Variants in TBX15 observed in about 807,000 individuals in gnomAD.
The protein encoded by TBX15 is T-box transcription factor 15.
A neutral mutation model predicts 53.9 loss-of-function variants in TBX15; 18 were observed. The observed-to-expected ratio is 0.33, with a 90% CI of 0.23 to 0.49. The LOEUF (loss-of-function observed/expected upper bound fraction) is 0.49. TBX15 is among the 20% of genes least tolerant of loss of function. The probability of loss-of-function intolerance (pLI) is 0.98; values close to 1 mark genes in which losing one functional copy is unlikely to be tolerated. For synonymous variants in TBX15, 295 were observed against 278.0 expected, an observed-to-expected ratio of 1.06 and a Z score of -0.61; for missense variants, 692 against 749.5, an observed-to-expected ratio of 0.92 and a Z score of 0.90.
intron 7 of TBX15, among the ~76,000 whole-genome samples, chr1:118,888,988 G>C (rs1250146814): frequency 6.6e-6 from 1 of 152,118 alleles, no homozygotes; most frequent in Admixed American, 6.5e-5. Flanking sequence ...AGAGGCAAAT[G>C]TTAAAAAGTT....
intron 1 of TBX15, among the ~76,000 whole-genome samples, chr1:118,951,442 G>T: frequency 6.6e-6 from 1 of 152,186 alleles, no homozygotes; most frequent in Non-Finnish European, 1.5e-5. Context: ...CCAGTGGAGG[G>T]GTTTTGAGTA....
chr1:118,945,987 T>C (rs1656334933), intron 1 of TBX15, among the ~76,000 whole-genome samples: 1 of 152,332 alleles, frequency 6.6e-6, no homozygotes, highest in Admixed American at 6.5e-5. Flanking sequence ...TAATCAACAT[T>C]GATGTATGAG....
At chr1:118,898,235 C>G (rs1485694020) in intron 7 of TBX15, among the ~76,000 whole-genome samples, 1 of 152,150 alleles carries the variant, frequency 6.6e-6, no homozygotes, top group Non-Finnish European at 1.5e-5. Context: ...CTACACTCAT[C>G]TTAAAACCTG....
intron 1 of TBX15, among the ~76,000 whole-genome samples, chr1:118,971,430 C>G (rs991697291): frequency 6.6e-6 from 1 of 152,192 alleles, no homozygotes; most frequent in African/African-American, 2.4e-5. Flanking sequence ...CAAAACCCAT[C>G]ACTAAAGTTT....
chr1:118,902,691 C>G (rs1175763919), intron 6 of TBX15, among the ~76,000 whole-genome samples: 1 of 152,080 alleles, frequency 6.6e-6, no homozygotes, highest in Non-Finnish European at 1.5e-5. Context: ...TTGTCTTTTT[C>G]CATTCCAGCC....
At chr1:118,946,881 C>T (rs149348224) in intron 1 of TBX15, among the ~76,000 whole-genome samples, 1 of 152,282 alleles carries the variant, frequency 6.6e-6, no homozygotes, top group African/African-American at 2.4e-5. Context: ...GGTCTTGCTG[C>T]TTTTACTCTG....
intron 4 of TBX15, among the ~76,000 whole-genome samples, chr1:118,924,247 TA>T (rs1383909777): frequency 6.6e-6 from 1 of 152,200 alleles, no homozygotes; most frequent in Middle Eastern, 3.2e-3. Flanking sequence ...GTCTTCCCTA[TA>T]AAAAAATTCT....
At chr1:118,910,449 C>G (rs1344334696) in intron 6 of TBX15, among the ~76,000 whole-genome samples, 1 of 152,028 alleles carries the variant, frequency 6.6e-6, no homozygotes, top group East Asian at 1.9e-4. Flanking sequence ...CACAGAAGGG[C>G]AATAGATGAG....
At chr1:118,930,118 C>A (rs1655731697) in intron 2 of TBX15, among the ~76,000 whole-genome samples, 1 of 152,176 alleles carries the variant, frequency 6.6e-6, no homozygotes, top group African/African-American at 2.4e-5. Context: ...AGAAAATAAA[C>A]AAAATTTCAG....
Position 118,884,277 on chromosome 1 carries a change from AGTTCAGAGTC to A in TBX15, c.*445_*454del. 3 of 180,752 alleles carry A rather than the reference AGTTCAGAGTC, an allele frequency of 1.7e-5. No individual in the cohort carries two copies. 11.2% of individuals were successfully genotyped at this position (180,752 alleles called of 1,614,324 possible). ...GGGCCTCCCTCCACAGAGTTCACCC[AGTTCAGAGTC>A]AGTGTGCATGTATGATTGCATGTGT... On this transcript the variant is annotated 3_prime_UTR_variant, in exon 8 of 8. Coordinates refer to ENST00000369429, the MANE Select transcript of TBX15 (RefSeq NM_001330677.2).
At chr1:118,982,867 A>C (rs562334589) in intron 1 of TBX15, among the ~76,000 whole-genome samples, 6 of 152,270 alleles carry the variant, frequency 3.9e-5, no homozygotes, top group African/African-American at 1.4e-4. Flanking sequence ...TTTCACCTAT[A>C]CAAATCAAGA....
intron 1 of TBX15, among the ~76,000 whole-genome samples, chr1:118,933,109 C>G (rs1029376307): frequency 3.1e-4 from 47 of 152,282 alleles, no homozygotes; most frequent in African/African-American, 1.1e-3. Flanking sequence ...ACCTCACTTA[C>G]CTGCAGCAGG....
chr1:118,927,250 T>C (rs757385672), intron 2 of TBX15, among the ~76,000 whole-genome samples: 1 of 152,216 alleles, frequency 6.6e-6, no homozygotes, highest in African/African-American at 2.4e-5. Flanking sequence ...TTAGTTGTGA[T>C]ATAAATGTAT....
At chr1:118,974,864 T>A (rs1406778992) in intron 1 of TBX15, among the ~76,000 whole-genome samples, 1 of 152,192 alleles carries the variant, frequency 6.6e-6, no homozygotes, top group African/African-American at 2.4e-5. Flanking sequence ...AAGAAGCCAC[T>A]GTGGAAATCA....
chr1:118,944,453 C>A (rs558461986), intron 1 of TBX15, among the ~76,000 whole-genome samples: 94 of 152,336 alleles, frequency 6.2e-4, no homozygotes, highest in African/African-American at 2.0e-3. Context: ...TTGGCTTCAA[C>A]AAGGCTCTAT....
At chr1:118,893,410 GAAGA>G (rs1654251906) in intron 7 of TBX15, among the ~76,000 whole-genome samples, 1 of 66,946 alleles carries the variant, frequency 1.5e-5, no homozygotes, top group Non-Finnish European at 2.6e-5. Flanking sequence ...AGAAAGAAAG[GAAGA>G]AGGAAAGAAA....
intron 1 of TBX15, among the ~76,000 whole-genome samples, chr1:118,932,462 GA>G (rs966218576): frequency 6.6e-6 from 1 of 151,776 alleles, no homozygotes; most frequent in Non-Finnish European, 1.5e-5. Flanking sequence ...TTTTGGATGG[GA>G]AAAAAACCTC....
At chr1:118,901,303 G>C (rs1438072842) in intron 6 of TBX15, 2 of 455,502 alleles carry the variant, frequency 4.4e-6, no homozygotes, top group South Asian at 1.6e-5. Flanking sequence ...AAGAGCAAGA[G>C]AGAAAGGCAC....
intron 1 of TBX15, among the ~76,000 whole-genome samples, chr1:118,953,857 C>T (rs1019490370): frequency 1.3e-5 from 2 of 152,152 alleles, no homozygotes; most frequent in Non-Finnish European, 2.9e-5. Context: ...CTGAAATGAA[C>T]AGTCAAGGAG....
Sources: gnomAD v4.1 joint callset for allele counts (sites outside exome capture counted in the v4.1 genomes callset) on GRCh38, gnomAD v4.1.1 for gene constraint, MANE v1.5 for transcripts, NCBI Gene and HGNC (gene_info 2026-07-23, HGNC 2026-07-21) for gene names.